The following CEP192 variants were observed in gnomAD, a reference collection of about 807,000 sequenced individuals.
The protein encoded by CEP192 is centrosomal protein 192.
CEP192 carries 151 observed loss-of-function variants against 271.8 expected under a neutral mutation model. The ratio of observed to expected loss-of-function variants is 0.56; its 90% CI spans 0.49 to 0.64. CEP192 has a LOEUF of 0.64. Ranked by LOEUF, CEP192 falls within the 30% of genes least tolerant of loss-of-function variation. CEP192 has a pLI of 0.00. For missense variants in CEP192, 2,910 were observed against 3,020.5 expected, an observed-to-expected ratio of 0.96 and a Z score of 0.86; for synonymous variants, 995 against 1,076.5, an observed-to-expected ratio of 0.92 and a Z score of 1.48.
At chr18:13,033,724 A>G (rs928884360) in intron 11 of CEP192, among the ~76,000 whole-genome samples, 1 of 152,246 alleles carries the variant, frequency 6.6e-6, no homozygotes, top group African/African-American at 2.4e-5. Context: ...GTGGCTATAC[A>G]GAATGGTAAA....
chr18:13,092,299 A>G (rs1348596091), intron 33 of CEP192, 78 bp from the exon 34 acceptor site: 1 of 1,025,370 alleles, frequency 9.8e-7, no homozygotes. Flanking sequence ...TATAGCTATA[A>G]ATATACAAAT....
At chr18:13,105,246 T>C (rs1462719493) in intron 40 of CEP192, among the ~76,000 whole-genome samples, 167 bp downstream of exon 40, 1 of 152,148 alleles carries the variant, frequency 6.6e-6, no homozygotes, top group East Asian at 1.9e-4. Flanking sequence ...TAGCAGATAG[T>C]CTTAGTGTGA....
chr18:13,047,877 GT>G (rs1481033372), intron 15 of CEP192, among the ~76,000 whole-genome samples: 3 of 152,068 alleles, frequency 2.0e-5, no homozygotes, highest in Admixed American at 6.5e-5. Flanking sequence ...AATATCTTAA[GT>G]TTTTGGTTTT....
chr18:13,068,310 A>G, intron 23 of CEP192, 49 bp from the exon 24 acceptor site: 1 of 1,601,058 alleles, frequency 6.2e-7, no homozygotes, highest in Non-Finnish European at 8.5e-7. Context: ...TAAGATAGTA[A>G]TATTAATACC....
At chr18:13,114,097 T>G (rs2040326251) in intron 41 of CEP192, 33 bp from the exon 42 acceptor site, 1 of 1,581,118 alleles carries the variant, frequency 6.3e-7, no homozygotes, top group African/African-American at 1.4e-5. Flanking sequence ...AGTTTTTATT[T>G]CTTCTCCGTT....
rs540894176 is a variant in CEP192, at chr18:13,103,639, C to T, written c.6951+51C>T. The T allele has an allele frequency of 8.8e-6, 12 of 1,367,484 alleles. No homozygotes were observed. The South Asian group carries it at 1.0e-4, about 12-fold the overall frequency. 84.7% of individuals were successfully genotyped at this position (1,367,484 alleles called of 1,614,324 possible). A position where few individuals can be genotyped will look rare whatever the true frequency, so the allele number is the denominator to read the frequency against. ...ATCGTTTTAATGTTTAGACTTTATC[C>T]AGGATGTTCTAAAAACTGACTATGA... On this transcript the variant is annotated intron_variant, in intron 39 of 44. Transcript: ENST00000506447.
At chr18:13,097,981 G>A (rs1439364369) in intron 36 of CEP192, among the ~76,000 whole-genome samples, 3 of 152,076 alleles carry the variant, frequency 2.0e-5, no homozygotes, top group Non-Finnish European at 2.9e-5. Flanking sequence ...AGATCAACAG[G>A]ATCCCAAGGC....
At chr18:13,076,208 T>G (rs1304468288) in intron 30 of CEP192, among the ~76,000 whole-genome samples, 2 of 152,122 alleles carry the variant, frequency 1.3e-5, no homozygotes, top group Non-Finnish European at 2.9e-5. Flanking sequence ...GGTGTTAGAT[T>G]TGTTTCATTT....
rs542853387 is a variant in CEP192 at position 13,123,556 on chromosome 18, T to C, written c.7476-1076T>C. 1.5e-4 allele frequency among the ~76,000 whole-genome samples: 23 copies of C among 152,268 alleles called. No homozygotes were observed. The East Asian group carries it at 3.1e-3, about 20-fold the overall frequency. ...CGTACATCACTTCTGGTTGCCAGTC[T>C]TTAAAACACACAGCTCTGAGACGAG... On this transcript the variant is annotated intron_variant, in intron 44 of 44. Coordinates refer to ENST00000506447, the MANE Select transcript of CEP192 (RefSeq NM_032142.4).
intron 15 of CEP192, among the ~76,000 whole-genome samples, chr18:13,047,102 A>G (rs952218533): frequency 2.0e-5 from 3 of 152,130 alleles, no homozygotes; most frequent in Non-Finnish European, 4.4e-5. Context: ...TAGAGGAAAA[A>G]TCGTTGAAAT....
intron 30 of CEP192, among the ~76,000 whole-genome samples, chr18:13,076,736 G>C (rs975205198): frequency 6.6e-6 from 1 of 152,154 alleles, no homozygotes; most frequent in African/African-American, 2.4e-5. Context: ...CTTTGAGTGA[G>C]GGAGGATTTG....
chr18:13,116,607 A>G, intron 43 of CEP192, 104 bp downstream of exon 43: 1 of 1,201,258 alleles, frequency 8.3e-7, no homozygotes, highest in Non-Finnish European at 1.1e-6. Context: ...AGTTGTAAGA[A>G]TGAGGTAATT....
intron 9 of CEP192, among the ~76,000 whole-genome samples, chr18:13,023,860 A>G (rs191522499): frequency 9.9e-4 from 151 of 152,162 alleles, no homozygotes; most frequent in Non-Finnish European, 1.6e-3. Flanking sequence ...GGTGCATTCT[A>G]TTTTGGAAGG....
chr18:13,026,789 G>T (rs1405764621), intron 9 of CEP192, among the ~76,000 whole-genome samples: 1 of 151,886 alleles, frequency 6.6e-6, no homozygotes, highest in Non-Finnish European at 1.5e-5. Context: ...CTTTCATGTT[G>T]TCTGCTGTAT....
rs370073367 is a variant in CEP192, at chr18:13,067,920, G to A, written c.4578G>A (p.Thr1526=). 21 of 1,612,802 alleles carry A rather than the reference G, an allele frequency of 1.3e-5. No individual in the cohort carries two copies. Among genetic ancestry groups the A allele is most frequent in the Middle Eastern group, 1.6e-4 (1 of 6,082 alleles). The change falls in exon 22 of 45, where the codon ACG becomes ACA. Residue 1526 remains threonine, a synonymous_variant. Transcript: ENST00000506447. ...TCCCACTAAAATTGATAAACCGAACGCATGCCACTGTGCCAATTAGACTGA... is the reference window on the plus strand; with the variant it reads ...TCCCACTAAAATTGATAAACCGAACACATGCCACTGTGCCAATTAGACTGA... ...KALPLKLINR[T]HATVPIRLII...
chr18:13,098,073 T>C (rs2039495988), intron 36 of CEP192, among the ~76,000 whole-genome samples: 1 of 152,200 alleles, frequency 6.6e-6, no homozygotes, highest in Non-Finnish European at 1.5e-5. Flanking sequence ...AACCATCCGA[T>C]TTCTCAATCT....
chr18:13,099,629 T>A (rs747568563), intron 37 of CEP192, 48 bp downstream of exon 37: 3 of 898,176 alleles, frequency 3.3e-6, no homozygotes, highest in Non-Finnish European at 5.3e-6. Flanking sequence ...CAATTCTGTT[T>A]GTAGCTTCAG....
At chr18:13,049,941 G>T (rs538087959) in intron 17 of CEP192, 50 bp downstream of exon 17, 91 of 1,441,806 alleles carry the variant, frequency 6.3e-5, no homozygotes, top group Non-Finnish European at 8.3e-5. Context: ...GTTCAGTATA[G>T]GAACTGGGAA....
chr18:13,014,936 C>G (rs989483871), intron 5 of CEP192, among the ~76,000 whole-genome samples: 2 of 152,108 alleles, frequency 1.3e-5, no homozygotes, highest in African/African-American at 2.4e-5. Flanking sequence ...TTGATTTTTC[C>G]AATGTAATGG....
Sources: gnomAD v4.1 joint callset for allele counts (sites outside exome capture counted in the v4.1 genomes callset) on GRCh38, gnomAD v4.1.1 for gene constraint, MANE v1.5 for transcripts, NCBI Gene and HGNC (gene_info 2026-07-23, HGNC 2026-07-21) for gene names.